The following AMDHD1 variants were observed in gnomAD, a reference collection of about 807,000 sequenced individuals.
AMDHD1 encodes the protein probable imidazolonepropionase.
Under a neutral mutation model 44.1 loss-of-function variants are expected in AMDHD1, and 45 were observed. The observed-to-expected ratio is 1.02, with a 90% confidence interval of 0.80 to 1.31. The LOEUF (loss-of-function observed/expected upper bound fraction) is 1.31. AMDHD1 is among the 50% of genes most tolerant of loss of function. The probability of loss-of-function intolerance (pLI) is 0.00; values close to 1 mark genes in which losing one functional copy is unlikely to be tolerated. For synonymous variants in AMDHD1, 206 were observed against 205.0 expected, an observed-to-expected ratio of 1.00 and a Z score of -0.04; for missense variants, 586 against 552.1, an observed-to-expected ratio of 1.06 and a Z score of -0.61.
intron 6 of AMDHD1, among the ~76,000 whole-genome samples, chr12:95,964,335 C>G (rs2080598067): frequency 6.6e-6 from 1 of 152,190 alleles, no homozygotes; most frequent in Non-Finnish European, 1.5e-5. Flanking sequence ...CCTCTCTTGA[C>G]TCTCATTTCC....
intron 4 of AMDHD1, among the ~76,000 whole-genome samples, chr12:95,958,057 AAT>A (rs200258658): frequency 3.3e-5 from 5 of 149,346 alleles, no homozygotes; most frequent in Admixed American, 1.3e-4. Flanking sequence ...TATCTCAAAA[AAT>A]ATATATATAT....
intron 1 of AMDHD1, among the ~76,000 whole-genome samples, chr12:95,952,294 A>G (rs2080528812): frequency 6.6e-6 from 1 of 152,158 alleles, no homozygotes; most frequent in South Asian, 2.1e-4. Context: ...CCCTAGCACC[A>G]TTTATTGAAG....
chr12:95,960,981 A>G (rs1194528080), intron 5 of AMDHD1, among the ~76,000 whole-genome samples: 1 of 151,924 alleles, frequency 6.6e-6, no homozygotes, highest in Non-Finnish European at 1.5e-5. Context: ...GAAACCCCAT[A>G]TCTACTAAAA....
At chr12:95,949,292 C>G (rs1161848477) in intron 1 of AMDHD1, among the ~76,000 whole-genome samples, 1 of 151,972 alleles carries the variant, frequency 6.6e-6, no homozygotes, top group African/African-American at 2.4e-5. Flanking sequence ...AGTGTATGTG[C>G]CAATTCTAAA....
intron 4 of AMDHD1, among the ~76,000 whole-genome samples, chr12:95,958,591 G>A (rs1200202936): frequency 6.6e-6 from 1 of 152,160 alleles, no homozygotes; most frequent in Non-Finnish European, 1.5e-5. Context: ...GTGTGGCATG[G>A]TGGAAAAGTC....
At chr12:95,961,035 A>G (rs994041075) in intron 5 of AMDHD1, among the ~76,000 whole-genome samples, 5 of 151,624 alleles carry the variant, frequency 3.3e-5, no homozygotes, top group African/African-American at 1.2e-4. Flanking sequence ...AATCCCAGCT[A>G]CTCGGGAGGC....
At position 95,956,476 on chromosome 12, in the gene AMDHD1, A is replaced by G. The variant is rs4762651; in HGVS notation, c.310-209A>G. ...TCTCTACCACTCCAGTCTCTTCCCAAGACCCCTTCGGAGCTCCCCACAATC... is the reference window on the plus strand; with the variant it reads ...TCTCTACCACTCCAGTCTCTTCCCAGGACCCCTTCGGAGCTCCCCACAATC... On this transcript the variant is annotated intron_variant, in intron 3 of 8. Coordinates refer to ENST00000266736, the MANE Select transcript of AMDHD1 (RefSeq NM_152435.3). 0.69 allele frequency among the ~76,000 whole-genome samples: 105,146 copies of G among 152,030 alleles called. 36,868 individuals are homozygous for G. Among genetic ancestry groups the G allele is most frequent in the East Asian group, 0.95 (4,897 of 5,170 alleles).
intron 1 of AMDHD1, among the ~76,000 whole-genome samples, chr12:95,944,966 T>C (rs905517793): frequency 6.6e-6 from 1 of 151,942 alleles, no homozygotes; most frequent in Admixed American, 6.6e-5. Flanking sequence ...AAACCCCATC[T>C]CTACTAAAAA....
intron 1 of AMDHD1, among the ~76,000 whole-genome samples, chr12:95,949,160 G>GAAAAAAAAAA (rs1358481972): frequency 2.9e-5 from 3 of 101,774 alleles, no homozygotes; most frequent in Admixed American, 1.0e-4. Flanking sequence ...AAAAAAAAAA[G>GAAAAAAAAAA]AAAAAAAAAA....
At chr12:95,953,606 C>G (rs1204815947) in intron 2 of AMDHD1, among the ~76,000 whole-genome samples, 1 of 152,076 alleles carries the variant, frequency 6.6e-6, no homozygotes, top group Non-Finnish European at 1.5e-5. Flanking sequence ...TATTTTGAGA[C>G]AGTCTCACTG....
At chr12:95,952,098 T>A (rs1322195763) in intron 1 of AMDHD1, among the ~76,000 whole-genome samples, 1 of 152,202 alleles carries the variant, frequency 6.6e-6, no homozygotes, top group Non-Finnish European at 1.5e-5. Context: ...AGTGATCCCA[T>A]TTGTCCATTT....
intron 4 of AMDHD1, among the ~76,000 whole-genome samples, chr12:95,957,727 A>G (rs1023136296): frequency 1.3e-5 from 2 of 152,202 alleles, no homozygotes; most frequent in Non-Finnish European, 2.9e-5. Flanking sequence ...TTTCTTTTAC[A>G]TTTATCTGAT....
Position 95,943,347 on chromosome 12 carries a change from T to A in AMDHD1, c.-52T>A. 1 of 1,190,488 alleles carries A rather than the reference T, an allele frequency of 8.4e-7. No individual in the cohort carries two copies. Among genetic ancestry groups the A allele is most frequent in the Non-Finnish European group, 1.1e-6 (1 of 945,166 alleles). The allele number at this position is 1,190,488 out of a possible 1,614,324, so 73.7% of individuals were successfully genotyped here. ...CGGCTTTTCGTCCTCCACTGAGTCC[T>A]GCCGGTGGCCCGAGCCCGGTGGCCT... On this transcript the variant is annotated 5_prime_UTR_variant, in exon 1 of 9. Coordinates refer to ENST00000266736, the MANE Select transcript of AMDHD1 (RefSeq NM_152435.3).
In AMDHD1 at chr12:95,965,723, G is replaced by A. The variant is rs201536890; in HGVS notation, c.976G>A (p.Gly326Arg). The change falls in exon 7 of 9, where the codon GGA (glycine) becomes AGA (arginine). Residue 326 changes from glycine to arginine, a missense_variant. Transcript: ENST00000266736. ...QPRARKMLDE[G>R]VIVALGSDFN... ...TCGAGCCAGGAAGATGTTAGATGAAGGAGTAATAGTTGCTCTGGGAAGTGA... is the reference window on the plus strand; with the variant it reads ...TCGAGCCAGGAAGATGTTAGATGAAAGAGTAATAGTTGCTCTGGGAAGTGA... 2.0e-4 allele frequency: 328 copies of A among 1,613,090 alleles called. 2 individuals are homozygous for A. The South Asian group carries it at 2.7e-3, about 13-fold the overall frequency.
At chr12:95,950,054 C>CCT (rs1335955761) in intron 1 of AMDHD1, among the ~76,000 whole-genome samples, 1 of 152,266 alleles carries the variant, frequency 6.6e-6, no homozygotes, top group African/African-American at 2.4e-5. Flanking sequence ...GTTAAAACAA[C>CCT]CTCTCTTAAA....
At chr12:95,948,455 T>C (rs1435882794) in intron 1 of AMDHD1, among the ~76,000 whole-genome samples, 1 of 44,796 alleles carries the variant, frequency 2.2e-5, no homozygotes, top group Non-Finnish European at 3.9e-5. Flanking sequence ...GAGGAGCCCC[T>C]CTGCCCGGCC....
chr12:95,949,590 A>G (rs1209467962), intron 1 of AMDHD1, among the ~76,000 whole-genome samples: 1 of 152,202 alleles, frequency 6.6e-6, no homozygotes, highest in African/African-American at 2.4e-5. Flanking sequence ...AAGTCACTCA[A>G]ACCCCATCAT....
Position 95,968,428 on chromosome 12 carries a change from C to T in AMDHD1, c.*585C>T, listed in dbSNP as rs938044655. The T allele has an allele frequency of 5.3e-5, 8 of 152,278 alleles. No homozygotes were observed. The highest frequency in any genetic ancestry group is 1.9e-4 in the African/African-American group (8 of 41,448). 9.4% of individuals were successfully genotyped at this position (152,278 alleles called of 1,614,324 possible). On this transcript the variant is annotated 3_prime_UTR_variant, in exon 9 of 9. Coordinates refer to ENST00000266736, the MANE Select transcript of AMDHD1 (RefSeq NM_152435.3). ...TAGAGCTTCCCAGCAGCGTTCAAGA[C>T]ACATCATTTATACACAGGCACAGGG...
At chr12:95,952,425 A>G (rs1201384495) in intron 1 of AMDHD1, among the ~76,000 whole-genome samples, 4 of 152,062 alleles carry the variant, frequency 2.6e-5, no homozygotes, top group Non-Finnish European at 5.9e-5. Context: ...TCTGTTTTTT[A>G]TGCCAGTACC....
Sources: allele counts gnomAD v4.1 joint callset (sites outside exome capture counted in the v4.1 genomes callset), GRCh38; gene constraint gnomAD v4.1.1; transcripts MANE v1.5; gene names NCBI Gene and HGNC (gene_info 2026-07-23, HGNC 2026-07-21).